Variants in GALNT13 observed in about 807,000 individuals in gnomAD.
GALNT13 encodes the protein UDP-GalNAc:polypeptide N-acetylgalactosaminyltransferase 13.
In GALNT13, 28 loss-of-function variants were observed where a neutral mutation model predicts 64.2. That is an observed-to-expected ratio of 0.44 (90% CI 0.32 to 0.60). GALNT13 has a LOEUF of 0.60. Ranked by LOEUF, GALNT13 falls within the 20% of genes least tolerant of loss-of-function variation. GALNT13 has a pLI of 0.05. For synonymous variants in GALNT13, 214 were observed against 224.6 expected, an observed-to-expected ratio of 0.95 and a Z score of 0.42; for missense variants, 577 against 669.8, an observed-to-expected ratio of 0.86 and a Z score of 1.53.
At chr2:153,744,487 T>C in the GALNT13 span, among the ~76,000 whole-genome samples, 1 of 152,298 alleles carries the variant, frequency 6.6e-6, no homozygotes, top group East Asian at 1.9e-4. Context: ...TTTTGAAAAG[T>C]ATATATTCAG....
At chr2:153,952,163 A>G (rs1389642895) in intron 3 of GALNT13, among the ~76,000 whole-genome samples, 4 of 152,162 alleles carry the variant, frequency 2.6e-5, no homozygotes, top group African/African-American at 4.8e-5. Flanking sequence ...CAGAGTTAGA[A>G]TAGGTATTTG....
the GALNT13 span, among the ~76,000 whole-genome samples, chr2:153,220,626 G>A: frequency 6.6e-6 from 1 of 152,202 alleles, no homozygotes. Flanking sequence ...AAGGTCAGAC[G>A]GGGCACTTGA....
chr2:154,298,723 T>TATACAATTTATATATAC (rs1260408499), intron 8 of GALNT13, among the ~76,000 whole-genome samples: 1 of 102,830 alleles, frequency 9.7e-6, no homozygotes, highest in African/African-American at 3.5e-5. Flanking sequence ...ATATAAATTA[T>TATACAATTTATATATAC]ATTATTTATA....
chr2:153,916,429 T>C, intron 2 of GALNT13, among the ~76,000 whole-genome samples: 1 of 152,098 alleles, frequency 6.6e-6, no homozygotes, highest in East Asian at 1.9e-4. Flanking sequence ...ACTGCTGGGA[T>C]TACAGGTACA....
the GALNT13 span, among the ~76,000 whole-genome samples, chr2:153,587,298 C>T: frequency 4.0e-3 from 610 of 151,120 alleles, 5 homozygotes; most frequent in African/African-American, 0.014. Context: ...CAAAACATAC[C>T]AAAACTTGGA....
At chr2:154,035,745 T>C (rs1424056663) in intron 3 of GALNT13, among the ~76,000 whole-genome samples, 1 of 151,982 alleles carries the variant, frequency 6.6e-6, no homozygotes, top group Non-Finnish European at 1.5e-5. Context: ...TAATACATCA[T>C]AACTAAATAT....
chr2:153,947,915 T>C (rs553505943), intron 3 of GALNT13, among the ~76,000 whole-genome samples: 183 of 152,200 alleles, frequency 1.2e-3, no homozygotes, highest in Admixed American at 2.2e-3. Context: ...CCAGTTCTCC[T>C]AGCACCATTT....
chr2:153,720,278 C>G, the GALNT13 span, among the ~76,000 whole-genome samples: 1 of 145,336 alleles, frequency 6.9e-6, no homozygotes, highest in Non-Finnish European at 1.5e-5. Context: ...AACTAACAAA[C>G]AGAAAGGACA....
chr2:153,164,828 C>G, the GALNT13 span, among the ~76,000 whole-genome samples: 1 of 152,090 alleles, frequency 6.6e-6, no homozygotes, highest in East Asian at 1.9e-4. Flanking sequence ...GCACCAACTC[C>G]CCTTTCCTGT....
At chr2:153,540,375 C>G in the GALNT13 span, among the ~76,000 whole-genome samples, 3 of 152,338 alleles carry the variant, frequency 2.0e-5, no homozygotes, top group East Asian at 5.8e-4. Flanking sequence ...ATCTGGATGT[C>G]CAGGCAGAAG....
chr2:153,204,720 T>A, the GALNT13 span, among the ~76,000 whole-genome samples: 1 of 152,174 alleles, frequency 6.6e-6, no homozygotes, highest in Non-Finnish European at 1.5e-5. Flanking sequence ...TTTGAGTTAT[T>A]TATCAAGAGG....
the GALNT13 span, among the ~76,000 whole-genome samples, chr2:153,163,262 G>A: frequency 4.6e-5 from 7 of 152,266 alleles, no homozygotes; most frequent in East Asian, 1.4e-3. Flanking sequence ...ACCACCAGGG[G>A]GTAGTCTGGA....
chr2:154,381,626 T>C (rs1698275636), intron 9 of GALNT13, among the ~76,000 whole-genome samples: 1 of 152,068 alleles, frequency 6.6e-6, no homozygotes, highest in African/African-American at 2.4e-5. Flanking sequence ...TTAAGGACAC[T>C]AACCTGGAAG....
chr2:154,015,314 A>G (rs1055543782), intron 3 of GALNT13, among the ~76,000 whole-genome samples: 3 of 152,258 alleles, frequency 2.0e-5, no homozygotes, highest in African/African-American at 4.8e-5. Context: ...TTAAAAATTT[A>G]ACAATAAAAA....
intron 3 of GALNT13, among the ~76,000 whole-genome samples, chr2:154,103,724 C>A (rs1475326165): frequency 2.0e-5 from 3 of 152,076 alleles, no homozygotes; most frequent in Admixed American, 6.6e-5. Context: ...TTTCTAGGAG[C>A]TTTCAGAGAG....
the GALNT13 span, among the ~76,000 whole-genome samples, chr2:153,230,621 A>C: frequency 7.2e-5 from 11 of 152,364 alleles, no homozygotes; most frequent in East Asian, 2.1e-3. Context: ...CAGTAGAGCA[A>C]TCATTTCCCC....
chr2:154,103,996 C>G (rs1476762265), intron 3 of GALNT13, among the ~76,000 whole-genome samples: 1 of 152,134 alleles, frequency 6.6e-6, no homozygotes, highest in East Asian at 1.9e-4. Context: ...AGCACCCTCC[C>G]TGACCCCTGA....
the GALNT13 span, among the ~76,000 whole-genome samples, chr2:153,079,548 C>T: frequency 6.6e-6 from 1 of 152,138 alleles, no homozygotes; most frequent in African/African-American, 2.4e-5. Flanking sequence ...GAAAAGTTCA[C>T]ATTCTGTGTT....
At chr2:153,978,180 G>T (rs990459402) in intron 3 of GALNT13, among the ~76,000 whole-genome samples, 8 of 152,170 alleles carry the variant, frequency 5.3e-5, no homozygotes, top group African/African-American at 1.9e-4. Flanking sequence ...TCCCTAAACT[G>T]CTGCTTTCAT....
Sources: allele counts gnomAD v4.1 joint callset (sites outside exome capture counted in the v4.1 genomes callset), GRCh38; gene constraint gnomAD v4.1.1; transcripts MANE v1.5; gene names NCBI Gene and HGNC (gene_info 2026-07-23, HGNC 2026-07-21).